TMPRSS15: variants seen among roughly 807,000 people sequenced by gnomAD.
The protein encoded by TMPRSS15 is enteropeptidase.
In TMPRSS15, 128 loss-of-function variants were observed where a neutral mutation model predicts 125.3. That is an observed-to-expected ratio of 1.02 (90% CI 0.89 to 1.18). The LOEUF (loss-of-function observed/expected upper bound fraction) is 1.18. Ranked by LOEUF, TMPRSS15 falls within the 50% of genes most tolerant of loss-of-function variation. The pLI is 0.00. For synonymous variants in TMPRSS15, 446 were observed against 423.2 expected, an observed-to-expected ratio of 1.05 and a Z score of -0.66; for missense variants, 1,283 against 1,212.7, an observed-to-expected ratio of 1.06 and a Z score of -0.86.
At chr21:18,402,636 G>T (rs1232393274) in intron 1 of TMPRSS15, among the ~76,000 whole-genome samples, 1 of 151,334 alleles carries the variant, frequency 6.6e-6, no homozygotes, top group East Asian at 1.9e-4. Flanking sequence ...CTGTTAATAC[G>T]TAGGTTATTG....
chr21:18,467,513 T>C (rs1034862637), intron 1 of TMPRSS15, among the ~76,000 whole-genome samples: 1 of 152,038 alleles, frequency 6.6e-6, no homozygotes, highest in Admixed American at 6.6e-5. Context: ...AATCCAATAC[T>C]GAGAAGAAAA....
Position 18,437,779 on chromosome 21 carries a change from C to T in TMPRSS15, c.11-39450G>A, listed in dbSNP as rs1273283372. ...TGCGAATCAAAACCACAATGAGATACCATCTCACACCAGTTAGAATGGCAA... is the reference window on the plus strand; with the variant it reads ...TGCGAATCAAAACCACAATGAGATATCATCTCACACCAGTTAGAATGGCAA... On this transcript the variant is annotated intron_variant, in intron 1 of 7. Transcript: ENST00000422787. Among the ~76,000 whole-genome samples, 4 of 152,236 alleles carry T rather than the reference C, an allele frequency of 2.6e-5. No individual in the cohort carries two copies. The East Asian group carries it at 7.7e-4, about 29-fold the overall frequency.
At chr21:18,456,940 C>A (rs569911602) in intron 1 of TMPRSS15, among the ~76,000 whole-genome samples, 14 of 151,956 alleles carry the variant, frequency 9.2e-5, no homozygotes, top group Non-Finnish European at 1.9e-4. Flanking sequence ...GCAGTCAATA[C>A]CCAAATTTAA....
chr21:18,411,184 A>C (rs1028961940), intron 1 of TMPRSS15, among the ~76,000 whole-genome samples: 3 of 152,282 alleles, frequency 2.0e-5, no homozygotes, highest in Admixed American at 2.0e-4. Flanking sequence ...ACATGCTAGA[A>C]TATTCTTTTT....
At chr21:18,446,775 A>T (rs780418721) in intron 1 of TMPRSS15, among the ~76,000 whole-genome samples, 2 of 152,220 alleles carry the variant, frequency 1.3e-5, no homozygotes, top group Non-Finnish European at 2.9e-5. Flanking sequence ...ATCTCTCATC[A>T]GTTGCAAAAT....
At chr21:18,416,876 G>A (rs772479849) in intron 1 of TMPRSS15, among the ~76,000 whole-genome samples, 33 of 151,768 alleles carry the variant, frequency 2.2e-4, no homozygotes, top group South Asian at 2.1e-4. Context: ...TTGTATTAAC[G>A]AGATTACAAA....
chr21:18,315,995 C>T (rs2075162782), intron 16 of TMPRSS15, among the ~76,000 whole-genome samples: 1 of 146,174 alleles, frequency 6.8e-6, no homozygotes, highest in African/African-American at 2.5e-5. Context: ...ATGTTGTGTA[C>T]GTGTACCCTA....
At chr21:18,325,334 C>T (rs1206769491) in intron 16 of TMPRSS15, among the ~76,000 whole-genome samples, 3 of 152,034 alleles carry the variant, frequency 2.0e-5, no homozygotes, top group Non-Finnish European at 4.4e-5. Context: ...TGAGCTACCA[C>T]TTACTTCTAC....
chr21:18,297,943 G>A, intron 18 of TMPRSS15, 114 bp from the exon 19 acceptor site: 1 of 736,780 alleles, frequency 1.4e-6, no homozygotes, highest in South Asian at 1.7e-5. Context: ...TGGGATACCA[G>A]CCAAAAAAAT....
At chr21:18,483,503 T>A (rs9974575) in intron 1 of TMPRSS15, among the ~76,000 whole-genome samples, 1,890 of 151,970 alleles carry the variant, frequency 0.012, 52 homozygotes, top group African/African-American at 0.044. Flanking sequence ...AATTTCTTCC[T>A]TTGTAGTTTA....
At chr21:18,417,118 C>T (rs1304291825) in intron 1 of TMPRSS15, among the ~76,000 whole-genome samples, 1 of 152,024 alleles carries the variant, frequency 6.6e-6, no homozygotes, top group Non-Finnish European at 1.5e-5. Flanking sequence ...CCAATTTTTA[C>T]ATAAAAGGCC....
intron 1 of TMPRSS15, among the ~76,000 whole-genome samples, chr21:18,425,992 A>G (rs569382697): frequency 6.6e-6 from 1 of 152,282 alleles, no homozygotes; most frequent in Admixed American, 6.5e-5. Flanking sequence ...TATTAATAAA[A>G]TATCTTTTTA....
intron 22 of TMPRSS15, 21 bp from the exon 23 acceptor site, chr21:18,279,080 C>A (rs745848738): frequency 8.2e-7 from 1 of 1,216,284 alleles, no homozygotes; most frequent in Admixed American, 1.7e-5. Context: ...AAGCAAACAG[C>A]AAAACGAACA....
intron 19 of TMPRSS15, among the ~76,000 whole-genome samples, chr21:18,295,692 A>G (rs1353246698): frequency 6.6e-6 from 1 of 152,238 alleles, no homozygotes; most frequent in Non-Finnish European, 1.5e-5. Flanking sequence ...TAGTTGAAAT[A>G]TAAGGAAGTC....
chr21:18,361,878 G>T (rs781073033), intron 7 of TMPRSS15, among the ~76,000 whole-genome samples: 1 of 104,190 alleles, frequency 9.6e-6, no homozygotes, highest in Non-Finnish European at 2.0e-5. Flanking sequence ...GTGGTGGTAG[G>T]TTATTAAAAA....
At chr21:18,391,685 G>T (rs1463810049) in intron 3 of TMPRSS15, among the ~76,000 whole-genome samples, 1 of 152,212 alleles carries the variant, frequency 6.6e-6, no homozygotes, top group Non-Finnish European at 1.5e-5. Flanking sequence ...TGGTCTGGAG[G>T]ACGGTGGCTG....
chr21:18,345,416 C>G (rs2075494550), intron 10 of TMPRSS15, among the ~76,000 whole-genome samples: 1 of 151,948 alleles, frequency 6.6e-6, no homozygotes, highest in South Asian at 2.1e-4. Context: ...CTTTTGATTA[C>G]TTAGAACATA....
At chr21:18,374,207 C>T (rs1265731269) in intron 5 of TMPRSS15, among the ~76,000 whole-genome samples, 1 of 152,098 alleles carries the variant, frequency 6.6e-6, no homozygotes, top group African/African-American at 2.4e-5. Flanking sequence ...GGCGCGGTGG[C>T]TCACGCCTGT....
chr21:18,408,643 G>C (rs949402109), upstream of TMPRSS15, among the ~76,000 whole-genome samples: 1 of 151,976 alleles, frequency 6.6e-6, no homozygotes, highest in Non-Finnish European at 1.5e-5. Flanking sequence ...CAAATTCTTT[G>C]TATTTTAGGT....
Sources: allele counts gnomAD v4.1 joint callset (sites outside exome capture counted in the v4.1 genomes callset), GRCh38; gene constraint gnomAD v4.1.1; transcripts MANE v1.5; gene names NCBI Gene and HGNC (gene_info 2026-07-23, HGNC 2026-07-21).